Variants in ACBD3 observed in about 807,000 individuals in gnomAD.
The protein encoded by ACBD3 is Golgi resident protein GCP60.
In ACBD3, 30 loss-of-function variants were observed where a neutral mutation model predicts 66.9. The observed-to-expected ratio is 0.45, with a 90% CI of 0.34 to 0.61. The LOEUF is 0.61. ACBD3 is among the 20% of genes least tolerant of loss of function. The pLI is 0.02. For synonymous variants in ACBD3, 278 were observed against 259.8 expected, an observed-to-expected ratio of 1.07 and a Z score of -0.68; for missense variants, 544 against 664.5, an observed-to-expected ratio of 0.82 and a Z score of 1.99.
At chr1:226,172,791 A>T (rs187218750) in intron 1 of ACBD3, among the ~76,000 whole-genome samples, 5 of 152,200 alleles carry the variant, frequency 3.3e-5, no homozygotes, top group Admixed American at 2.0e-4. Flanking sequence ...CAAAAAACTA[A>T]AAAACAGCTG....
chr1:226,178,500 G>A (rs555644313), intron 1 of ACBD3, among the ~76,000 whole-genome samples: 24 of 147,200 alleles, frequency 1.6e-4, no homozygotes, highest in Admixed American at 8.5e-4. Flanking sequence ...GCGTGAACCC[G>A]GGAGGCGGAG....
intron 3 of ACBD3, among the ~76,000 whole-genome samples, chr1:226,163,708 A>G (rs1002062354): frequency 1.3e-5 from 2 of 152,184 alleles, no homozygotes; most frequent in Non-Finnish European, 2.9e-5. Context: ...TGCTTTTATA[A>G]TTCTCGTGTC....
At chr1:226,179,132 G>C (rs1052263295) in intron 1 of ACBD3, among the ~76,000 whole-genome samples, 21 of 152,142 alleles carry the variant, frequency 1.4e-4, no homozygotes, top group African/African-American at 4.8e-4. Flanking sequence ...ACATGGACAA[G>C]TTATTTAATC....
chr1:226,163,892 G>C (rs533010447), intron 3 of ACBD3, among the ~76,000 whole-genome samples: 1 of 151,968 alleles, frequency 6.6e-6, no homozygotes, highest in South Asian at 2.1e-4. Flanking sequence ...AGGACCAGGC[G>C]GGTGGATCAC....
At chr1:226,154,897 T>C (rs1432456186) in intron 5 of ACBD3, 64 bp from the exon 6 acceptor site, 1 of 1,434,714 alleles carries the variant, frequency 7.0e-7, no homozygotes, top group Non-Finnish European at 9.4e-7. Context: ...ACATCTGCCC[T>C]GGAGTACATC....
At chr1:226,165,532 T>C (rs970573103) in intron 2 of ACBD3, among the ~76,000 whole-genome samples, 1 of 152,216 alleles carries the variant, frequency 6.6e-6, no homozygotes, top group Admixed American at 6.5e-5. Context: ...ATTCTTTTTT[T>C]GTCACAATTT....
chr1:226,145,914 A>T lies in ACBD3; in HGVS notation c.*696T>A, dbSNP rs1336044669. The T allele has an allele frequency of 6.6e-6, 1 of 152,460 alleles. No homozygotes were observed. The highest frequency in any genetic ancestry group is 1.5e-5 in the Non-Finnish European group (1 of 68,046). The allele number at this position is 152,460 out of a possible 1,614,324, so 9.4% of individuals were successfully genotyped here. ...TACCAAATAAAGATACAAGGATTCA[A>T]AGTTTGTGGAAGTTCCTGAAGAAAA... On this transcript the variant is annotated 3_prime_UTR_variant, in exon 8 of 8. Coordinates refer to ENST00000366812, the MANE Select transcript of ACBD3 (RefSeq NM_022735.4).
At chr1:226,159,574 G>A (rs554136925) in intron 4 of ACBD3, among the ~76,000 whole-genome samples, 2 of 152,174 alleles carry the variant, frequency 1.3e-5, no homozygotes, top group African/African-American at 4.8e-5. Flanking sequence ...AGGAAAATTC[G>A]GGATGGAAGA....
intron 1 of ACBD3, among the ~76,000 whole-genome samples, chr1:226,176,731 A>T (rs1182088830): frequency 1.3e-5 from 2 of 152,224 alleles, no homozygotes; most frequent in Non-Finnish European, 2.9e-5. Flanking sequence ...TATGAATATG[A>T]AAAGTAAAAT....
intron 7 of ACBD3, 53 bp downstream of exon 7, chr1:226,152,282 A>G: frequency 6.3e-7 from 1 of 1,592,828 alleles, no homozygotes; most frequent in Non-Finnish European, 8.6e-7. Flanking sequence ...ACTATGTACC[A>G]TTTCTGCCAA....
At chr1:226,171,608 G>T (rs555396288) in intron 1 of ACBD3, among the ~76,000 whole-genome samples, 58 of 152,070 alleles carry the variant, frequency 3.8e-4, no homozygotes, top group African/African-American at 1.3e-3. Context: ...CGTGATCTCG[G>T]CTCACTGCAA....
intron 1 of ACBD3, among the ~76,000 whole-genome samples, chr1:226,184,665 C>T (rs576713003): frequency 3.9e-5 from 6 of 152,122 alleles, no homozygotes; most frequent in African/African-American, 1.4e-4. Context: ...ACTCTCCAAA[C>T]AATGTTAAGT....
chr1:226,151,889 C>T (rs540866648), intron 7 of ACBD3, among the ~76,000 whole-genome samples: 1 of 152,046 alleles, frequency 6.6e-6, no homozygotes, highest in Non-Finnish European at 1.5e-5. Context: ...TGCCTGTAAT[C>T]CCAGCTACTC....
intron 3 of ACBD3, among the ~76,000 whole-genome samples, chr1:226,163,125 CTTT>C (rs1045481025): frequency 5.3e-5 from 8 of 152,274 alleles, no homozygotes; most frequent in African/African-American, 1.9e-4. Flanking sequence ...CCATGACCTA[CTTT>C]TAATGTGTCA....
At chr1:226,167,260 T>C (rs1000668232) in intron 1 of ACBD3, among the ~76,000 whole-genome samples, 6 of 152,208 alleles carry the variant, frequency 3.9e-5, no homozygotes, top group African/African-American at 1.4e-4. Context: ...ACTAAGGTAG[T>C]ATAATGTGGT....
intron 3 of ACBD3, among the ~76,000 whole-genome samples, chr1:226,163,563 C>T (rs1237778164): frequency 6.6e-6 from 1 of 151,998 alleles, no homozygotes; most frequent in Non-Finnish European, 1.5e-5. Context: ...TTCCTATTAT[C>T]TTAAATAGGA....
chr1:226,172,889 G>C (rs760877426), intron 1 of ACBD3, among the ~76,000 whole-genome samples: 6 of 152,142 alleles, frequency 3.9e-5, no homozygotes, highest in Non-Finnish European at 7.4e-5. Context: ...CCTGAAGGTC[G>C]AGGCTCCAAT....
intron 4 of ACBD3, among the ~76,000 whole-genome samples, chr1:226,160,206 C>T (rs1045524936): frequency 6.6e-6 from 1 of 151,992 alleles, no homozygotes. Flanking sequence ...ATTCTCCTGC[C>T]TCAGCCTCCC....
Position 226,186,608 on chromosome 1 carries a change from G to T in ACBD3, c.68C>A (p.Pro23Gln). 6.9e-7 allele frequency: 1 copy of T among 1,454,824 alleles called. No individual in the cohort carries two copies. The highest frequency in any genetic ancestry group is 2.9e-5 in the East Asian group (1 of 34,426). The allele number at this position is 1,454,824 out of a possible 1,614,324, so 90.1% of individuals were successfully genotyped here. ...GCCCTCCGCCCCAGGCCGCTCCTCCGGGTCCGGGCTGAGCGTGAGGCCGTC... is the reference window on the plus strand; with the variant it reads ...GCCCTCCGCCCCAGGCCGCTCCTCCTGGTCCGGGCTGAGCGTGAGGCCGTC... ...SVDGLTLSPD[P>Q]EERPGAEGAP... is the part of the protein sequence containing the mutation. Residue 23 changes from proline to glutamine, a missense_variant, in exon 1 of 8, where the codon CCG becomes CAG. By Grantham distance (76) the Pro-to-Gln change is moderately conservative. Around this residue, in one of 3 missense-constraint regions of ACBD3, gnomAD observed 137 missense variants for 145.9 expected, o/e 0.94. Coordinates refer to ENST00000366812, the MANE Select transcript of ACBD3 (RefSeq NM_022735.4).
Sources: gnomAD v4.1 joint callset for allele counts (sites outside exome capture counted in the v4.1 genomes callset) on GRCh38, gnomAD v4.1.1 for gene constraint, gnomAD v4.1.1 regional missense constraint, MANE v1.5 for transcripts, NCBI Gene and HGNC (gene_info 2026-07-23, HGNC 2026-07-21) for gene names.